PRKDC: variants seen among roughly 807,000 people sequenced by gnomAD.
PRKDC encodes DNA-dependent protein kinase catalytic subunit.
PRKDC carries 82 observed loss-of-function variants against 486.9 expected under a neutral mutation model. The ratio of observed to expected loss-of-function variants is 0.17; its 90% CI spans 0.14 to 0.20. PRKDC has a LOEUF of 0.20. PRKDC is among the 10% of genes least tolerant of loss of function. The pLI is 1.00. For missense variants in PRKDC, 4,504 were observed against 5,038.2 expected (o/e 0.89, Z 3.21); for synonymous variants, 1,895 against 1,837.0 (o/e 1.03, Z -0.81).
At chr8:47,929,553 G>C (rs1364126259) in intron 18 of PRKDC, among the ~76,000 whole-genome samples, 1 of 152,210 alleles carries the variant, frequency 6.6e-6, no homozygotes, top group Non-Finnish European at 1.5e-5. Flanking sequence ...GCAGAGACCT[G>C]CCCCCAAGGT....
chr8:47,921,392 T>G (rs2154503146), intron 21 of PRKDC, among the ~76,000 whole-genome samples: 1 of 152,390 alleles, frequency 6.6e-6, no homozygotes, highest in South Asian at 2.1e-4. Flanking sequence ...CTATTATCTT[T>G]AGGCAATTTG....
In PRKDC at chr8:47,836,344, T is replaced by C; in HGVS notation, c.7945A>G (p.Thr2649Ala). The change falls in exon 58 of 86, where the codon ACT becomes GCT. Residue 2649 changes from threonine (T) to alanine (A), a missense_variant. Physicochemically the swap from Thr to Ala is moderately conservative, Grantham distance 58. This residue lies in a region of PRKDC where 1,592 missense variants were observed against 1,724.6 expected (regional missense o/e 0.92). Transcript: ENST00000314191. The stretch of plus-strand genomic sequence containing the variant: ...CGGGCAGGGTCACTGTTACCTGCAG[T>C]CTGTGTCAGTGTGAAGTCATGCTGC... ...QQQHDFTLTQ[T>A]ADGRSSFDWL... 1 of 1,584,896 alleles carries C rather than the reference T, an allele frequency of 6.3e-7. No individual in the cohort carries two copies.
chr8:47,864,046 G>T (rs2088742175), intron 41 of PRKDC, among the ~76,000 whole-genome samples: 1 of 152,136 alleles, frequency 6.6e-6, no homozygotes, highest in Non-Finnish European at 1.5e-5. Flanking sequence ...TGGCAAAAAA[G>T]GACTTTGTAG....
chr8:47,787,284 T>C (rs944723939), intron 76 of PRKDC, among the ~76,000 whole-genome samples: 8 of 152,250 alleles, frequency 5.3e-5, no homozygotes, highest in African/African-American at 1.7e-4. Flanking sequence ...ACGTGCTCTA[T>C]TTTAAGACAA....
chr8:47,957,337 C>T lies in PRKDC; in HGVS notation c.231+18G>A. ...CCAGGAATATACAAGAAAAGCAAAACCAAAATTGTCAACTTACTTCAATAC... is the reference window on the plus strand; with the variant it reads ...CCAGGAATATACAAGAAAAGCAAAATCAAAATTGTCAACTTACTTCAATAC... On this transcript the variant is annotated intron_variant, in intron 2 of 85. Coordinates refer to ENST00000314191, the MANE Select transcript of PRKDC (RefSeq NM_006904.7). 6.3e-7 allele frequency: 1 copy of T among 1,595,036 alleles called. No homozygotes were observed.
chr8:47,926,928 T>C (rs2090166312), intron 21 of PRKDC: 2 of 330,058 alleles, frequency 6.1e-6, no homozygotes, highest in Non-Finnish European at 1.1e-5. Flanking sequence ...AATTTCAAGG[T>C]ATTGAAGACA....
intron 51 of PRKDC, among the ~76,000 whole-genome samples, chr8:47,853,857 G>C (rs777801536): frequency 6.6e-6 from 1 of 151,910 alleles, no homozygotes; most frequent in Non-Finnish European, 1.5e-5. Context: ...GTATAGATGC[G>C]GTCTTGCTAT....
Position 47,782,529 on chromosome 8 carries a change from G to T in PRKDC, c.11245C>A (p.Pro3749Thr). 6.3e-7 allele frequency: 1 copy of T among 1,576,698 alleles called. No individual in the cohort carries two copies. The highest frequency in any genetic ancestry group is 8.6e-7 in the Non-Finnish European group (1 of 1,161,508). ...IIRGHDEREH[P>T]FLVKGGEDLR... is the part of the protein sequence containing the mutation. ...TCCTCGCCACCCTTCACCAGGAAAG[G>T]GTGTTCCCTCTCGTCATGGCCACGG... The change falls in exon 79 of 86, where the codon CCT becomes ACT. Residue 3749 changes from proline (P) to threonine (T), a missense_variant. Pro to Thr is a conservative substitution (Grantham distance 38, BLOSUM62 -1). Transcript: ENST00000314191. The surrounding 1 kb of genome is among the most constrained non-coding windows in gnomAD (Gnocchi z 4.9).
chr8:47,836,564 A>C lies in PRKDC; in HGVS notation c.7762-37T>G, dbSNP rs552597008. 4.1e-5 allele frequency: 62 copies of C among 1,506,796 alleles called. No individual in the cohort carries two copies. In the South Asian group the frequency reaches 6.9e-4, roughly 17 times the overall value. 93.3% of individuals were successfully genotyped at this position (1,506,796 alleles called of 1,614,324 possible). ...AAAGTTTCAAATGAAATAAAGTTTC[A>C]AATGAAATAATGCTCCTTTTTTAGG... is the stretch of plus-strand genomic sequence containing the variant. On this transcript the variant is annotated intron_variant, in intron 57 of 85. Coordinates refer to ENST00000314191, the MANE Select transcript of PRKDC (RefSeq NM_006904.7).
intron 21 of PRKDC, among the ~76,000 whole-genome samples, chr8:47,919,005 A>T (rs2090032295): frequency 6.6e-6 from 1 of 151,976 alleles, no homozygotes; most frequent in Admixed American, 6.6e-5. Flanking sequence ...GATGGAGAGT[A>T]TATAACTTCT....
At chr8:47,799,187 T>C (rs2087045440) in intron 72 of PRKDC, 23 bp downstream of exon 72, 1 of 1,613,220 alleles carries the variant, frequency 6.2e-7, no homozygotes, top group Non-Finnish European at 8.5e-7. Context: ...AATGGAACAC[T>C]AGCTTTTTAA....
rs371916754 is a variant in PRKDC, at chr8:47,943,656, C to T, written c.808+197G>A. 2.0e-4 allele frequency among the ~76,000 whole-genome samples: 30 copies of T among 152,340 alleles called. 2 individuals carry two copies. In the East Asian group the frequency reaches 3.3e-3, roughly 17 times the overall value. On this transcript the variant is annotated intron_variant, in intron 9 of 85. Coordinates refer to ENST00000314191, the MANE Select transcript of PRKDC (RefSeq NM_006904.7). ...CTGAAAGATACCCTAAAATAAAGTGCTTTCAACCATGTAACCTGAGTATCA... is the reference window on the plus strand; with the variant it reads ...CTGAAAGATACCCTAAAATAAAGTGTTTTCAACCATGTAACCTGAGTATCA...
rs1020420016 is a variant in PRKDC at position 47,834,692 on chromosome 8, T to C, written c.7952-296A>G. Among the ~76,000 whole-genome samples, 554 of 147,896 alleles carry C rather than the reference T, an allele frequency of 3.7e-3. 5 individuals are homozygous for C. Among genetic ancestry groups the C allele is most frequent in the South Asian group, 0.025 (112 of 4,554 alleles). On this transcript the variant is annotated intron_variant, in intron 58 of 85. Transcript: ENST00000314191. ...AGGTGCTAAGAACCCCTGACTTTTTTTTTTTTTTTTTTTTTTGAGACGGAG... is the reference window on the plus strand; with the variant it reads ...AGGTGCTAAGAACCCCTGACTTTTTCTTTTTTTTTTTTTTTTGAGACGGAG...
intron 56 of PRKDC, among the ~76,000 whole-genome samples, 162 bp downstream of exon 56, chr8:47,838,986 A>G (rs1333081877): frequency 6.6e-6 from 1 of 152,244 alleles, no homozygotes; most frequent in East Asian, 1.9e-4. Context: ...ACTCTTCATA[A>G]TGTGCTTTAA....
chr8:47,792,547 C>A (rs142492449), intron 74 of PRKDC, among the ~76,000 whole-genome samples: 4 of 151,850 alleles, frequency 2.6e-5, no homozygotes, highest in Non-Finnish European at 4.4e-5. Flanking sequence ...CGTGAGCCAC[C>A]GCACCCGGCC....
chr8:47,845,252 T>TA (rs2088240088), intron 54 of PRKDC, among the ~76,000 whole-genome samples: 1 of 151,612 alleles, frequency 6.6e-6, no homozygotes, highest in African/African-American at 2.4e-5. Flanking sequence ...AAACCAACCC[T>TA]AAAGACAGCA....
At chr8:47,939,446 C>CA in intron 11 of PRKDC, 105 bp downstream of exon 11, 1 of 1,296,788 alleles carries the variant, frequency 7.7e-7, no homozygotes, top group Non-Finnish European at 1.1e-6. Context: ...CAAGGGTCTA[C>CA]TGTATTGTTA....
chr8:47,808,961 C>A (rs1322090760), intron 68 of PRKDC, among the ~76,000 whole-genome samples: 1 of 151,834 alleles, frequency 6.6e-6, no homozygotes, highest in Non-Finnish European at 1.5e-5. Flanking sequence ...GAATTTGAGG[C>A]TGCAGTGAGC....
chr8:47,823,227 T>C (rs1163792387), intron 64 of PRKDC, among the ~76,000 whole-genome samples: 1 of 151,768 alleles, frequency 6.6e-6, no homozygotes, highest in African/African-American at 2.4e-5. Flanking sequence ...TCCCAGCTAC[T>C]CAGGTGGCTG....
Sources: gnomAD v4.1 joint callset for allele counts (sites outside exome capture counted in the v4.1 genomes callset) on GRCh38, gnomAD v4.1.1 for gene constraint, gnomAD v4.1.1 regional missense constraint, Gnocchi (gnomAD v3.1) non-coding constraint, MANE v1.5 for transcripts, NCBI Gene and HGNC (gene_info 2026-07-23, HGNC 2026-07-21) for gene names.